PRKD1: variants seen among roughly 807,000 people sequenced by gnomAD.
PRKD1 encodes the protein serine/threonine-protein kinase D1.
Under a neutral mutation model 95.9 loss-of-function variants are expected in PRKD1, and 63 were observed. That is an observed-to-expected ratio of 0.66 (90% CI 0.54 to 0.81). The LOEUF is 0.81. PRKD1 is among the 30% of genes least tolerant of loss of function. The pLI, the probability that PRKD1 is intolerant of heterozygous loss-of-function variation, is 0.00. For synonymous variants in PRKD1, 425 were observed against 423.1 expected (o/e 1.00, Z -0.05); for missense variants, 1,048 against 1,165.3 (o/e 0.90, Z 1.47).
At chr14:29,634,816 G>A (rs543445766) in intron 7 of PRKD1, among the ~76,000 whole-genome samples, 1 of 151,938 alleles carries the variant, frequency 6.6e-6, no homozygotes, top group Non-Finnish European at 1.5e-5. Context: ...GGTGGATCAC[G>A]AGGTCAGGAG....
rs1257039229 is a variant in PRKD1, at chr14:29,927,479, G to C, written c.34C>G (p.Pro12Ala). Residue 12 changes from proline (P) to alanine (A), a missense_variant, in exon 1 of 18, where the codon CCG becomes GCG. Around this residue, in one of 3 missense-constraint regions of PRKD1, gnomAD observed 34 missense variants for 54.8 expected, o/e 0.62. Transcript: ENST00000331968. The part of the protein sequence containing the change: ...SAPPVLRPPS[P>A]LLPVAAAAAA... ...GCTGCCGCCGCCACGGGCAGCAGCGGACTGGGCGGCCGCAGGACCGGAGGG... is the reference window on the plus strand; with the variant it reads ...GCTGCCGCCGCCACGGGCAGCAGCGCACTGGGCGGCCGCAGGACCGGAGGG... 2 of 1,254,170 alleles carry C rather than the reference G, an allele frequency of 1.6e-6. No individual in the cohort carries two copies. Among genetic ancestry groups the C allele is most frequent in the Non-Finnish European group, 1.0e-6 (1 of 1,004,406 alleles). 77.7% of individuals were successfully genotyped at this position (1,254,170 alleles called of 1,614,324 possible).
At chr14:29,752,551 A>G (rs1334004361) in intron 1 of PRKD1, among the ~76,000 whole-genome samples, 1 of 151,202 alleles carries the variant, frequency 6.6e-6, no homozygotes, top group Non-Finnish European at 1.5e-5. Context: ...GTGGACAAAT[A>G]TTTATTATTA....
intron 16 of PRKD1, among the ~76,000 whole-genome samples, chr14:29,580,909 C>G (rs1346793670): frequency 6.6e-6 from 1 of 151,934 alleles, no homozygotes; most frequent in Non-Finnish European, 1.5e-5. Flanking sequence ...AGTTAATGAT[C>G]AAGCCCTGAC....
chr14:29,837,429 GCTTT>G (rs890150661), intron 1 of PRKD1, among the ~76,000 whole-genome samples: 1 of 152,008 alleles, frequency 6.6e-6, no homozygotes, highest in Non-Finnish European at 1.5e-5. Flanking sequence ...TGTTTATTCA[GCTTT>G]CTTATGTGAA....
At chr14:29,789,811 C>T (rs544157402) in intron 1 of PRKD1, among the ~76,000 whole-genome samples, 2 of 152,128 alleles carry the variant, frequency 1.3e-5, no homozygotes, top group South Asian at 4.2e-4. Context: ...GTGTCAATTC[C>T]CAGGCACCCA....
Position 29,629,506 on chromosome 14 carries a change from A to T in PRKD1, c.1673-413T>A, listed in dbSNP as rs192290737. On this transcript the variant is annotated intron_variant, in intron 10 of 17. Coordinates refer to ENST00000331968, the MANE Select transcript of PRKD1 (RefSeq NM_002742.3). ...GTCTCATATAAAGTGCTTAGCACTAAAATAGGCATATATATTCTATTAATA... is the reference window on the plus strand; with the variant it reads ...GTCTCATATAAAGTGCTTAGCACTATAATAGGCATATATATTCTATTAATA... Among the ~76,000 whole-genome samples the T allele has an allele frequency of 3.7e-3, 571 of 152,306 alleles. 4 individuals carry two copies. Among genetic ancestry groups the T allele is most frequent in the Non-Finnish European group, 5.8e-3 (396 of 68,024 alleles).
chr14:29,737,435 T>C (rs1253376520), intron 1 of PRKD1, among the ~76,000 whole-genome samples: 1 of 146,338 alleles, frequency 6.8e-6, no homozygotes, highest in Non-Finnish European at 1.5e-5. Flanking sequence ...TTCTGGTCAA[T>C]AATGGAATAC....
chr14:29,917,277 GACAACCTAGGA>G, intron 1 of PRKD1, among the ~76,000 whole-genome samples: 1 of 152,248 alleles, frequency 6.6e-6, no homozygotes, highest in East Asian at 1.9e-4. Context: ...GATGGATTTA[GACAACCTAGGA>G]AAAGGCTCTG....
chr14:29,614,065 C>G (rs1399263339), intron 13 of PRKD1, among the ~76,000 whole-genome samples: 1 of 152,178 alleles, frequency 6.6e-6, no homozygotes, highest in African/African-American at 2.4e-5. Flanking sequence ...AATTTTCCAT[C>G]CCCAAGTTTG....
chr14:29,766,696 C>T (rs1888274924), intron 1 of PRKD1, among the ~76,000 whole-genome samples: 1 of 151,998 alleles, frequency 6.6e-6, no homozygotes, highest in South Asian at 2.1e-4. Flanking sequence ...AAATATGATC[C>T]AATTCATAGG....
chr14:29,750,008 G>A (rs1887402836), intron 1 of PRKD1, among the ~76,000 whole-genome samples: 2 of 152,096 alleles, frequency 1.3e-5, no homozygotes, highest in African/African-American at 2.4e-5. Context: ...TCTGATGAAT[G>A]GCCAAGGGAA....
chr14:29,721,641 C>A (rs1387432445), intron 2 of PRKD1, among the ~76,000 whole-genome samples: 1 of 152,114 alleles, frequency 6.6e-6, no homozygotes, highest in East Asian at 1.9e-4. Flanking sequence ...CTTGATTTTA[C>A]AGTTCAGTAC....
At chr14:29,887,001 C>G (rs1893731321) in intron 1 of PRKD1, among the ~76,000 whole-genome samples, 5 of 152,206 alleles carry the variant, frequency 3.3e-5, no homozygotes. Context: ...AACTTGTGCA[C>G]ATCTCAATGG....
At chr14:29,898,154 CCT>C (rs1894197731) in intron 1 of PRKD1, among the ~76,000 whole-genome samples, 1 of 151,800 alleles carries the variant, frequency 6.6e-6, no homozygotes, top group African/African-American at 2.4e-5. Flanking sequence ...GTGGTATATC[CCT>C]CTTTTCAATT....
intron 1 of PRKD1, among the ~76,000 whole-genome samples, chr14:29,920,072 G>GGAAA (rs756664360): frequency 0.01 from 1,280 of 125,446 alleles, 6 homozygotes; most frequent in East Asian, 0.016. Context: ...AAGGAAAGAA[G>GGAAA]GAAGGAAGGA....
chr14:29,720,479 C>A (rs1594457460), intron 2 of PRKD1, among the ~76,000 whole-genome samples: 1 of 151,642 alleles, frequency 6.6e-6, no homozygotes, highest in African/African-American at 2.4e-5. Flanking sequence ...AAAAAACAAA[C>A]AAAAAAAATC....
chr14:29,712,562 A>G (rs1158946909), intron 2 of PRKD1, among the ~76,000 whole-genome samples: 1 of 152,192 alleles, frequency 6.6e-6, no homozygotes, highest in African/African-American at 2.4e-5. Flanking sequence ...TTATGTGTCA[A>G]CTTTAAGCCT....
intron 1 of PRKD1, among the ~76,000 whole-genome samples, chr14:29,805,528 T>A (rs557939428): frequency 6.6e-6 from 1 of 152,246 alleles, no homozygotes; most frequent in Non-Finnish European, 1.5e-5. Flanking sequence ...AATTAAGTAA[T>A]AACAATGGCT....
chr14:29,740,467 G>A (rs541925020), intron 1 of PRKD1, among the ~76,000 whole-genome samples: 1 of 152,284 alleles, frequency 6.6e-6, no homozygotes, highest in South Asian at 2.1e-4. Context: ...GACAGTGGTA[G>A]GTAGTGCCAG....
Sources: gnomAD v4.1 joint callset for allele counts (sites outside exome capture counted in the v4.1 genomes callset) on GRCh38, gnomAD v4.1.1 for gene constraint, gnomAD v4.1.1 regional missense constraint, MANE v1.5 for transcripts, NCBI Gene and HGNC (gene_info 2026-07-23, HGNC 2026-07-21) for gene names.